Variants in CDK6 observed in about 807,000 individuals in gnomAD.
CDK6 encodes the protein cyclin-dependent kinase 6.
A neutral mutation model predicts 37.1 loss-of-function variants in CDK6; 6 were observed. The ratio of observed to expected loss-of-function variants is 0.16; its 90% CI spans 0.09 to 0.32. CDK6 has a LOEUF of 0.32. Among genes scored for constraint, CDK6 ranks in the 10% least tolerant of loss-of-function variants. The pLI, the probability that CDK6 is intolerant of heterozygous loss-of-function variation, is 1.00. For synonymous variants in CDK6, 160 were observed against 161.3 expected (o/e 0.99, Z 0.06); for missense variants, 224 against 418.9 (o/e 0.53, Z 4.06).
Position 92,683,709 on chromosome 7 carries a change from TG to T in CDK6, c.538-12175del, listed in dbSNP as rs111440463. Reference sequence around the variant, plus strand: ...ATTTATAGTCTACAGAGGACTGTGGTGGGGGGGGGGTCCCCACTATATTTTG... The same window carrying T: ...ATTTATAGTCTACAGAGGACTGTGGTGGGGGGGGGTCCCCACTATATTTTG... On this transcript the variant is annotated intron_variant, in intron 4 of 7. Coordinates refer to ENST00000424848, the MANE Select transcript of CDK6 (RefSeq NM_001145306.2). Among the ~76,000 whole-genome samples, 1,173 of 144,354 alleles carry T rather than the reference TG, an allele frequency of 8.1e-3. 14 individuals are homozygous for T. Among genetic ancestry groups the T allele is most frequent in the African/African-American group, 0.023 (907 of 39,804 alleles). The allele number at this position is 144,354 out of a possible 152,430, so 94.7% of individuals were successfully genotyped here.
intron 3 of CDK6, among the ~76,000 whole-genome samples, chr7:92,743,007 AAG>A (rs1381855626): frequency 2.0e-5 from 3 of 151,776 alleles, no homozygotes; most frequent in Non-Finnish European, 4.4e-5. Context: ...GCTCAGATAG[AAG>A]AGAGGTCCAA....
rs1315427371 is a variant in CDK6 at position 92,612,546 on chromosome 7, A to G, written c.*2594T>C. Reference sequence around the variant, plus strand: ...CTACACCGATGGAAGAACTGGGGACAGATTTTTACAAAGTTCAGAGAGGCT... The same window carrying G: ...CTACACCGATGGAAGAACTGGGGACGGATTTTTACAAAGTTCAGAGAGGCT... On this transcript the variant is annotated 3_prime_UTR_variant, in exon 8 of 8. Transcript: ENST00000424848. The G allele has an allele frequency of 4.3e-6, 1 of 233,018 alleles. No individual in the cohort carries two copies. The highest frequency in any genetic ancestry group is 8.5e-6 in the Non-Finnish European group (1 of 117,960). 14.4% of individuals were successfully genotyped at this position (233,018 alleles called of 1,614,324 possible).
intron 7 of CDK6, 68 bp from the exon 8 acceptor site, chr7:92,615,354 T>C (rs1795653552): frequency 7.6e-7 from 1 of 1,315,020 alleles, no homozygotes; most frequent in African/African-American, 1.5e-5. Flanking sequence ...CTTACAGAGT[T>C]ATCCCTTTAT....
intron 3 of CDK6, among the ~76,000 whole-genome samples, chr7:92,738,849 G>A (rs1027189703): frequency 4.0e-5 from 6 of 151,000 alleles, no homozygotes; most frequent in Non-Finnish European, 5.9e-5. Flanking sequence ...TTAAACGTGC[G>A]CCTCTTGCCT....
rs558883577 is a variant in CDK6, at chr7:92,777,223, C to T, written c.234-2392G>A. On this transcript the variant is annotated intron_variant, in intron 2 of 7. Transcript: ENST00000424848. ...AGATCAGATGGTTGTAGATATGTGT[C>T]ATTCTTTCTTGTTTTTTTTTCCTTT... 9.2e-5 allele frequency among the ~76,000 whole-genome samples: 14 copies of T among 151,872 alleles called. No homozygotes were observed. In the East Asian group the frequency reaches 2.7e-3, roughly 29 times the overall value.
chr7:92,679,286 G>A (rs538483650), intron 4 of CDK6, among the ~76,000 whole-genome samples: 1 of 152,290 alleles, frequency 6.6e-6, no homozygotes, highest in East Asian at 1.9e-4. Flanking sequence ...TCTATAAGGT[G>A]TCCTCTGTTA....
chr7:92,667,965 T>C (rs536498278), intron 5 of CDK6, among the ~76,000 whole-genome samples: 10 of 152,342 alleles, frequency 6.6e-5, no homozygotes, highest in Non-Finnish European at 1.5e-4. Flanking sequence ...GTACAGTGTT[T>C]ATAAAGTCTA....
chr7:92,765,458 C>G (rs1213119692), intron 3 of CDK6, among the ~76,000 whole-genome samples: 3 of 152,064 alleles, frequency 2.0e-5, no homozygotes, highest in Admixed American at 6.6e-5. Flanking sequence ...CCCGGCCCAC[C>G]ACAGAGAACT....
chr7:92,806,959 T>C (rs1800740962), intron 2 of CDK6, among the ~76,000 whole-genome samples: 1 of 152,226 alleles, frequency 6.6e-6, no homozygotes, highest in Non-Finnish European at 1.5e-5. Context: ...CACATTTATT[T>C]AGGTTTTGGG....
At chr7:92,807,683 T>A (rs1379242489) in intron 2 of CDK6, among the ~76,000 whole-genome samples, 1 of 152,032 alleles carries the variant, frequency 6.6e-6, no homozygotes, top group Admixed American at 6.6e-5. Flanking sequence ...CATAAATAAA[T>A]TTAAAAAGTG....
rs189281770 is a variant in CDK6, at chr7:92,789,129, T to C, written c.234-14298A>G. Among the ~76,000 whole-genome samples the C allele has an allele frequency of 6.8e-3, 1,031 of 152,082 alleles. 4 individuals carry two copies. The highest frequency in any genetic ancestry group is 8.4e-3 in the Non-Finnish European group (570 of 67,984). ...TGTAAGAGTGACACTCTGTTTCTAA[T>C]AAATAAATAAAGAAGTGCTGGAAGA... is the stretch of plus-strand genomic sequence containing the variant. On this transcript the variant is annotated intron_variant, in intron 2 of 7. Coordinates refer to ENST00000424848, the MANE Select transcript of CDK6 (RefSeq NM_001145306.2).
At chr7:92,622,956 A>G (rs192295735) in intron 6 of CDK6, 80 bp downstream of exon 6, 1 of 826,976 alleles carries the variant, frequency 1.2e-6, no homozygotes, top group East Asian at 2.7e-5. Context: ...AGATAAACAC[A>G]TGATATGCAT....
rs570643406 is a variant in CDK6 at position 92,680,262 on chromosome 7, G to A, written c.538-8727C>T. ...AGCCTGACCAACATGGTGAAACCCCGTCTCTACTAAAAATACAAAATTAGT... is the reference window on the plus strand; with the variant it reads ...AGCCTGACCAACATGGTGAAACCCCATCTCTACTAAAAATACAAAATTAGT... On this transcript the variant is annotated intron_variant, in intron 4 of 7. Coordinates refer to ENST00000424848, the MANE Select transcript of CDK6 (RefSeq NM_001145306.2). 3.3e-5 allele frequency among the ~76,000 whole-genome samples: 5 copies of A among 149,786 alleles called. No homozygotes were observed. In the East Asian group the frequency reaches 8.2e-4, roughly 24 times the overall value.
chr7:92,743,792 C>T (rs1019927809), intron 3 of CDK6, among the ~76,000 whole-genome samples: 1 of 152,182 alleles, frequency 6.6e-6, no homozygotes, highest in African/African-American at 2.4e-5. Context: ...AAAAATTCAT[C>T]TCACAGACAA....
intron 2 of CDK6, among the ~76,000 whole-genome samples, chr7:92,781,866 C>G (rs1223315502): frequency 4.6e-5 from 7 of 152,176 alleles, no homozygotes; most frequent in South Asian, 2.1e-4. Context: ...TATTCTGTGA[C>G]TATGTCTTGT....
At chr7:92,713,667 TAAAAAA>T (rs535072218) in intron 4 of CDK6, among the ~76,000 whole-genome samples, 2 of 67,218 alleles carry the variant, frequency 3.0e-5, no homozygotes, top group African/African-American at 1.0e-4. Context: ...TTAAAAAAAG[TAAAAAA>T]AAAAAAAAAA....
At chr7:92,625,255 C>A (rs1795899111) in intron 5 of CDK6, among the ~76,000 whole-genome samples, 1 of 151,212 alleles carries the variant, frequency 6.6e-6, no homozygotes, top group Non-Finnish European at 1.5e-5. Context: ...CACACACACA[C>A]ACACCTCTCT....
At chr7:92,640,157 T>A (rs1331096442) in intron 5 of CDK6, among the ~76,000 whole-genome samples, 1 of 152,138 alleles carries the variant, frequency 6.6e-6, no homozygotes, top group Non-Finnish European at 1.5e-5. Context: ...CAGCTGCCCA[T>A]GGAACGTATA....
chr7:92,828,121 C>T (rs1302074108), intron 2 of CDK6, among the ~76,000 whole-genome samples: 1 of 151,978 alleles, frequency 6.6e-6, no homozygotes, highest in Non-Finnish European at 1.5e-5. Context: ...CCTGTATCAT[C>T]ATTTAACTAT....
Sources: allele counts gnomAD v4.1 joint callset (sites outside exome capture counted in the v4.1 genomes callset), GRCh38; gene constraint gnomAD v4.1.1; transcripts MANE v1.5; gene names NCBI Gene and HGNC (gene_info 2026-07-23, HGNC 2026-07-21).